IDO2: variants seen among roughly 807,000 people sequenced by gnomAD.
IDO2 encodes indoleamine 2,3-dioxygenase-like 1 protein.
IDO2 carries 46 observed loss-of-function variants against 45.1 expected under a neutral mutation model. That is an observed-to-expected ratio of 1.02 (90% CI 0.80 to 1.30). The LOEUF (loss-of-function observed/expected upper bound fraction) is 1.30. Among genes scored for constraint, IDO2 ranks in the 50% most tolerant of loss-of-function variants. IDO2 has a pLI of 0.00. For missense variants in IDO2, 544 were observed against 491.8 expected (o/e 1.11, Z -1.00); for synonymous variants, 218 against 184.9 (o/e 1.18, Z -1.45).
At position 39,958,394 on chromosome 8, in the gene IDO2, C is replaced by T. The variant is rs564564231; in HGVS notation, c.100-5214C>T. Among the ~76,000 whole-genome samples the T allele has an allele frequency of 1.4e-4, 21 of 151,862 alleles. No homozygotes were observed. The South Asian group carries it at 4.4e-3, about 32-fold the overall frequency. ...GGTTACAGATGCCTGCTACCACACC[C>T]AGCTAATTTTTTTCTTTTTTTGGAG... is the stretch of plus-strand genomic sequence containing the variant. On this transcript the variant is annotated intron_variant, in intron 2 of 10. Transcript: ENST00000502986.
At chr8:39,991,620 G>T (rs960062964) in intron 8 of IDO2, among the ~76,000 whole-genome samples, 3 of 146,816 alleles carry the variant, frequency 2.0e-5, no homozygotes, top group South Asian at 2.2e-4. Flanking sequence ...ACTCAGGCTG[G>T]AGTGCAGTGG....
chr8:39,935,238 C>A lies in IDO2; in HGVS notation c.-18+20C>A. The A allele has an allele frequency of 6.3e-7, 1 of 1,599,982 alleles. No individual in the cohort carries two copies. Among genetic ancestry groups the A allele is most frequent in the Non-Finnish European group, 8.6e-7 (1 of 1,167,442 alleles). On this transcript the variant is annotated intron_variant, in intron 1 of 10. Transcript: ENST00000502986. ...ATTATGGTAAGTACACTGGTAACTT[C>A]TTTTCTAACCTCGTATGCATAATGT...
chr8:39,979,684 T>G (rs1808313228), intron 4 of IDO2, among the ~76,000 whole-genome samples: 1 of 152,196 alleles, frequency 6.6e-6, no homozygotes, highest in African/African-American at 2.4e-5. Flanking sequence ...GATTTTTTTA[T>G]TTTAATTTTT....
chr8:40,011,847 T>C (rs1218981952), intron 9 of IDO2, among the ~76,000 whole-genome samples: 2 of 152,226 alleles, frequency 1.3e-5, no homozygotes, highest in Non-Finnish European at 2.9e-5. Flanking sequence ...ATTCCATATC[T>C]GCTTGAGATA....
chr8:40,015,939 G>A, exon 11 of IDO2: 1 of 363,140 alleles, frequency 2.8e-6, no homozygotes, highest in Non-Finnish European at 4.9e-6. Flanking sequence ...AAAATTGCCT[G>A]GGGATACATT....
intron 3 of IDO2, among the ~76,000 whole-genome samples, chr8:39,973,598 G>A (rs956416500): frequency 1.6e-4 from 25 of 152,148 alleles, no homozygotes; most frequent in Admixed American, 1.1e-3. Context: ...TTCTAATTGT[G>A]CATTGTGTGT....
At chr8:40,000,186 G>A (rs1802111695) in intron 8 of IDO2, among the ~76,000 whole-genome samples, 1 of 152,114 alleles carries the variant, frequency 6.6e-6, no homozygotes, top group African/African-American at 2.4e-5. Flanking sequence ...GGCTGAGGTG[G>A]TCGGATCATG....
chr8:39,952,030 T>C (rs1004065225), intron 2 of IDO2, among the ~76,000 whole-genome samples: 9 of 152,264 alleles, frequency 5.9e-5, no homozygotes, highest in African/African-American at 1.7e-4. Flanking sequence ...GTTATGTTCA[T>C]TTTCCCCATA....
chr8:40,000,994 A>T (rs903438406), intron 8 of IDO2, among the ~76,000 whole-genome samples: 7 of 152,042 alleles, frequency 4.6e-5, no homozygotes, highest in Non-Finnish European at 7.4e-5. Flanking sequence ...TTAAATTTTT[A>T]AAAAATTATT....
rs371815442 is a variant in IDO2 at position 40,010,034 on chromosome 8, C to T, written c.720-3531C>T. ...CCCCTCTGGAGCTTACATTTCAATG[C>T]GGTGGGTGGGGGGATGGACAATTAA... On this transcript the variant is annotated intron_variant, in intron 9 of 10. Transcript: ENST00000502986. Among the ~76,000 whole-genome samples, 74 of 71,904 alleles carry T rather than the reference C, an allele frequency of 1.0e-3. 1 individual carries two copies. The highest frequency in any genetic ancestry group is 4.2e-3 in the African/African-American group (67 of 16,046). The allele number at this position is 71,904 out of a possible 152,430, so 47.2% of individuals were successfully genotyped here.
intron 3 of IDO2, among the ~76,000 whole-genome samples, chr8:39,966,215 G>C (rs1034352083): frequency 1.4e-4 from 22 of 152,062 alleles, no homozygotes; most frequent in African/African-American, 4.6e-4. Context: ...TTGTAGTAGA[G>C]ACGGGGTTTC....
intron 7 of IDO2, among the ~76,000 whole-genome samples, chr8:39,988,935 A>G (rs1808462978): frequency 6.6e-6 from 1 of 152,180 alleles, no homozygotes; most frequent in South Asian, 2.1e-4. Context: ...GAAGACAAGG[A>G]AGTCTTCCCA....
chr8:39,980,179 T>C (rs1243687162), intron 4 of IDO2, among the ~76,000 whole-genome samples: 2 of 152,188 alleles, frequency 1.3e-5, no homozygotes, highest in East Asian at 1.9e-4. Flanking sequence ...CTTATGTATA[T>C]AAATTATCTA....
intron 8 of IDO2, among the ~76,000 whole-genome samples, chr8:39,995,680 G>A (rs568480743): frequency 5.3e-5 from 8 of 152,310 alleles, no homozygotes; most frequent in African/African-American, 1.9e-4. Context: ...GATTACATAT[G>A]AATATCATTC....
intron 9 of IDO2, among the ~76,000 whole-genome samples, chr8:40,011,091 A>C (rs1802303269): frequency 6.6e-6 from 1 of 152,000 alleles, no homozygotes; most frequent in East Asian, 1.9e-4. Flanking sequence ...TTGTGTTTTT[A>C]ATGGAAATGG....
intron 2 of IDO2, among the ~76,000 whole-genome samples, chr8:39,954,404 AG>A (rs1481983899): frequency 1.3e-5 from 2 of 152,186 alleles, no homozygotes; most frequent in African/African-American, 4.8e-5. Context: ...TTAATAGTAT[AG>A]TCGTTTGCCA....
chr8:39,934,899 G>T lies in IDO2; in HGVS notation c.-337G>T. 3.7e-6 allele frequency: 2 copies of T among 534,108 alleles called. No homozygotes were observed. The highest frequency in any genetic ancestry group is 2.3e-5 in the South Asian group (1 of 44,146). 33.1% of individuals were successfully genotyped at this position (534,108 alleles called of 1,614,324 possible). On this transcript the variant is annotated 5_prime_UTR_variant, in exon 1 of 11. An upstream open reading frame in the 5' UTR gains an earlier in-frame stop. Transcript: ENST00000502986. ...TAAAGTTGGAAATCTGCCTGGTAAG[G>T]GATCATTTGCTGGTGTCTGCAAAGT...
chr8:39,943,833 C>T (rs6984887), intron 1 of IDO2, among the ~76,000 whole-genome samples: 62,897 of 151,338 alleles, frequency 0.42, 13,243 homozygotes, highest in East Asian at 0.59. Flanking sequence ...ACAAGACAAG[C>T]ACGCCAACTC....
chr8:39,979,244 AC>A (rs1808306022), intron 4 of IDO2, 58 bp downstream of exon 4: 10 of 1,547,610 alleles, frequency 6.5e-6, no homozygotes, highest in South Asian at 1.2e-5. Flanking sequence ...GCCTGGAGTA[AC>A]GTGCTCCCTG....
Sources: allele counts gnomAD v4.1 joint callset (sites outside exome capture counted in the v4.1 genomes callset), GRCh38; gene constraint gnomAD v4.1.1; transcripts MANE v1.5; gene names NCBI Gene and HGNC (gene_info 2026-07-23, HGNC 2026-07-21).